The following MGAT4C variants were observed in gnomAD, a reference collection of about 807,000 sequenced individuals.
MGAT4C encodes the protein MGAT4 family member C, also known as alpha-1,3-mannosyl-glycoprotein 4-beta-N-acetylglucosaminyltransferase C.
MGAT4C carries 19 observed loss-of-function variants against 40.1 expected under a neutral mutation model. That is an observed-to-expected ratio of 0.47 (90% CI 0.33 to 0.70). MGAT4C has a LOEUF of 0.70. MGAT4C is among the 30% of genes least tolerant of loss of function. MGAT4C has a pLI of 0.02. For synonymous variants in MGAT4C, 181 were observed against 187.1 expected, an observed-to-expected ratio of 0.97 and a Z score of 0.27; for missense variants, 491 against 563.2, an observed-to-expected ratio of 0.87 and a Z score of 1.30.
chr12:86,007,840 C>T lies in MGAT4C; in HGVS notation c.-6-18288G>A, dbSNP rs944095676. ...ATTCTCATATGCTTTCTTCTAGAGG[C>T]TTTATAGTTTTAGTTTTTAGGGTAG... On this transcript the variant is annotated intron_variant, in intron 2 of 4. Coordinates refer to ENST00000611864, the MANE Select transcript of MGAT4C (RefSeq NM_001351288.2). Among the ~76,000 whole-genome samples, 19 of 151,988 alleles carry T rather than the reference C, an allele frequency of 1.3e-4. No individual in the cohort carries two copies. The Middle Eastern group carries it at 0.01, about 82-fold the overall frequency.
chr12:86,437,436 CTAAA>C (rs1359115015), intron 2 of MGAT4C, among the ~76,000 whole-genome samples: 2 of 151,598 alleles, frequency 1.3e-5, no homozygotes, highest in Admixed American at 1.3e-4. Flanking sequence ...GTCCCCCTCT[CTAAA>C]TGAATATATT....
At chr12:86,741,318 G>T (rs2136130432) in intron 1 of MGAT4C, among the ~76,000 whole-genome samples, 1 of 151,226 alleles carries the variant, frequency 6.6e-6, no homozygotes, top group South Asian at 2.1e-4. Context: ...AAATTATTTG[G>T]TTTTATTTTC....
rs111559812 is a variant in MGAT4C, at chr12:86,671,807, A to C, written c.-229+55402T>G. ...TGGAGCACCAAGATATATGAAAGAA[A>C]TATTATTGGAGATAAAGAGCTAAAT... On this transcript the variant is annotated intron_variant, in intron 2 of 7. Transcript: ENST00000548651. Among the ~76,000 whole-genome samples, 525 of 152,324 alleles carry C rather than the reference A, an allele frequency of 3.4e-3. 1 individual carries two copies. Among genetic ancestry groups the C allele is most frequent in the African/African-American group, 0.012 (503 of 41,584 alleles).
intron 2 of MGAT4C, among the ~76,000 whole-genome samples, chr12:86,040,450 A>G (rs767613639): frequency 2.6e-5 from 4 of 152,106 alleles, no homozygotes; most frequent in Non-Finnish European, 5.9e-5. Flanking sequence ...GGGAATCTGG[A>G]GAGGCAGTCT....
chr12:86,304,673 A>T (rs1953892272), intron 4 of MGAT4C, among the ~76,000 whole-genome samples: 1 of 150,766 alleles, frequency 6.6e-6, no homozygotes, highest in Non-Finnish European at 1.5e-5. Context: ...CTTACCTGAA[A>T]ATAAGTTCTT....
chr12:86,500,028 A>T (rs1455322859), intron 2 of MGAT4C, among the ~76,000 whole-genome samples: 1 of 151,896 alleles, frequency 6.6e-6, no homozygotes, highest in Non-Finnish European at 1.5e-5. Flanking sequence ...AACATATCAA[A>T]ACATGCAGAG....
intron 1 of MGAT4C, among the ~76,000 whole-genome samples, chr12:86,796,268 C>A (rs1415395196): frequency 6.6e-6 from 1 of 151,674 alleles, no homozygotes; most frequent in Non-Finnish European, 1.5e-5. Context: ...CCTTCCTTTT[C>A]CATTTCTTTA....
chr12:86,019,877 T>G (rs556992655), intron 2 of MGAT4C, among the ~76,000 whole-genome samples: 44 of 152,094 alleles, frequency 2.9e-4, no homozygotes, highest in Non-Finnish European at 5.0e-4. Flanking sequence ...TGAGCAGTGG[T>G]TTGTAGTTCT....
At chr12:86,114,485 AT>A (rs1467671754) in intron 1 of MGAT4C, among the ~76,000 whole-genome samples, 4 of 151,976 alleles carry the variant, frequency 2.6e-5, no homozygotes, top group African/African-American at 9.7e-5. Flanking sequence ...CAAGGCCATG[AT>A]ACAATCTGTT....
At chr12:86,166,376 T>A (rs1377268559) in intron 1 of MGAT4C, among the ~76,000 whole-genome samples, 1 of 152,124 alleles carries the variant, frequency 6.6e-6, no homozygotes, top group Non-Finnish European at 1.5e-5. Flanking sequence ...AGAATAAAAT[T>A]TGACTACTAA....
intron 1 of MGAT4C, among the ~76,000 whole-genome samples, chr12:86,182,441 A>T (rs1888229624): frequency 6.6e-6 from 1 of 152,104 alleles, no homozygotes; most frequent in Admixed American, 6.5e-5. Context: ...TTTAACTAAA[A>T]TTCCCTGAAG....
At chr12:86,603,498 T>G (rs1232575017) in intron 2 of MGAT4C, among the ~76,000 whole-genome samples, 1 of 80,748 alleles carries the variant, frequency 1.2e-5, no homozygotes, top group Non-Finnish European at 2.2e-5. Context: ...ATATAATATA[T>G]ACTATATATA....
intron 2 of MGAT4C, among the ~76,000 whole-genome samples, chr12:86,615,027 T>C (rs1302752275): frequency 6.6e-6 from 1 of 151,846 alleles, no homozygotes; most frequent in African/African-American, 2.4e-5. Context: ...AAAATGTATC[T>C]AAAAAGAAAA....
chr12:86,834,935 T>C (rs1012217927), intron 1 of MGAT4C, among the ~76,000 whole-genome samples: 4 of 151,950 alleles, frequency 2.6e-5, no homozygotes, highest in African/African-American at 9.7e-5. Flanking sequence ...GATACTTTCC[T>C]GTAAAGCACC....
chr12:86,233,529 C>T (rs1392108971), intron 1 of MGAT4C, among the ~76,000 whole-genome samples: 1 of 152,158 alleles, frequency 6.6e-6, no homozygotes. Flanking sequence ...ACAGTTGTAG[C>T]AGGTTGGACT....
chr12:86,201,785 G>A (rs994479457), intron 1 of MGAT4C, among the ~76,000 whole-genome samples: 5 of 151,894 alleles, frequency 3.3e-5, no homozygotes, highest in African/African-American at 1.2e-4. Context: ...TCCAATCCAT[G>A]AAAACTATTT....
At chr12:86,623,577 A>T (rs768592967) in intron 2 of MGAT4C, among the ~76,000 whole-genome samples, 4 of 152,204 alleles carry the variant, frequency 2.6e-5, no homozygotes, top group Non-Finnish European at 4.4e-5. Context: ...TTTTTTTAAG[A>T]ATTTCATCTA....
intron 2 of MGAT4C, among the ~76,000 whole-genome samples, chr12:86,716,916 C>A (rs572579087): frequency 4.6e-5 from 7 of 152,056 alleles, no homozygotes; most frequent in Non-Finnish European, 8.8e-5. Flanking sequence ...GCAGTTGATT[C>A]TTCCTACCTC....
At chr12:86,592,233 T>C (rs980202716) in intron 2 of MGAT4C, among the ~76,000 whole-genome samples, 1 of 152,046 alleles carries the variant, frequency 6.6e-6, no homozygotes, top group Non-Finnish European at 1.5e-5. Context: ...GAAGATATCA[T>C]TAGTGTGATG....
Sources: gnomAD v4.1 joint callset for allele counts (sites outside exome capture counted in the v4.1 genomes callset) on GRCh38, gnomAD v4.1.1 for gene constraint, MANE v1.5 for transcripts, NCBI Gene and HGNC (gene_info 2026-07-23, HGNC 2026-07-21) for gene names.